The following ZFHX4 variants were observed in gnomAD, a reference collection of about 807,000 sequenced individuals.
ZFHX4 encodes the protein zinc finger homeobox 4, also known as zinc finger homeobox protein 4.
Under a neutral mutation model 267.6 loss-of-function variants are expected in ZFHX4, and 56 were observed. That is an observed-to-expected ratio of 0.21 (90% CI 0.17 to 0.26). The LOEUF (loss-of-function observed/expected upper bound fraction) is 0.26, where lower values mean the gene tolerates loss of function less well. ZFHX4 is among the 10% of genes least tolerant of loss of function. ZFHX4 has a pLI of 1.00. For synonymous variants in ZFHX4, 1,778 were observed against 1,665.6 expected, an observed-to-expected ratio of 1.07 and a Z score of -1.64; for missense variants, 4,332 against 4,420.0, an observed-to-expected ratio of 0.98 and a Z score of 0.56.
chr8:76,694,150 A>G (rs1045896491), intron 1 of ZFHX4, among the ~76,000 whole-genome samples: 1 of 152,326 alleles, frequency 6.6e-6, no homozygotes, highest in Admixed American at 6.5e-5. Flanking sequence ...TCTATCGTGT[A>G]CATAACAAGA....
intron 4 of ZFHX4, among the ~76,000 whole-genome samples, chr8:76,813,270 T>C (rs16939371): frequency 0.039 from 5,986 of 152,230 alleles, 188 homozygotes; most frequent in African/African-American, 0.084. Flanking sequence ...TAAACTTTTC[T>C]AAAGGCACCT....
rs538727308 is a variant in ZFHX4 at position 76,776,930 on chromosome 8, G to T, written c.3094-1278G>T. Among the ~76,000 whole-genome samples the T allele has an allele frequency of 3.9e-5, 6 of 152,090 alleles. 1 individual carries two copies. ...TTCAGATGCTAAAAGCCAGGGAGGT[G>T]GGGGAGGGAAGGTAGAAATCAACAT... On this transcript the variant is annotated intron_variant, in intron 3 of 10. Transcript: ENST00000651372.
intron 1 of ZFHX4, among the ~76,000 whole-genome samples, chr8:76,689,222 G>A (rs1585849375): frequency 6.6e-6 from 1 of 152,050 alleles, no homozygotes; most frequent in Non-Finnish European, 1.5e-5. Flanking sequence ...ATAAGAAAAT[G>A]TGTTAATTTA....
chr8:76,804,751 A>AG (rs397766535), intron 4 of ZFHX4, among the ~76,000 whole-genome samples: 5 of 72 alleles, frequency 0.069, no homozygotes, highest in African/African-American at 0.12. Flanking sequence ...TTATTTAACC[A>AG]TCCACTGGGA....
chr8:76,823,150 C>G (rs1268728922), intron 4 of ZFHX4, among the ~76,000 whole-genome samples: 1 of 137,452 alleles, frequency 7.3e-6, no homozygotes, highest in African/African-American at 2.7e-5. Context: ...TTTTTTTTAA[C>G]AGTGAGACAC....
chr8:76,852,654 G>A lies in ZFHX4; in HGVS notation c.5733G>A (p.Ala1911=), dbSNP rs377346853. 170 of 1,613,624 alleles carry A rather than the reference G, an allele frequency of 1.1e-4. No homozygotes were observed. The highest frequency in any genetic ancestry group is 1.3e-4 in the Non-Finnish European group (154 of 1,179,698). Residue 1911 remains alanine (A), a synonymous_variant, in exon 10 of 11, where the codon GCG becomes GCA. Coordinates refer to ENST00000651372, the MANE Select transcript of ZFHX4 (RefSeq NM_024721.5). ...GGGCCAGAGGAAATGCTGCCAAAGC[G>A]TTATTGGAAAACTTTGGTTTTGAAC... is the stretch of plus-strand genomic sequence containing the variant. ...ASGARGNAAK[A]LLENFGFELV... is the part of the protein sequence containing the mutation.
At chr8:76,846,354 T>C (rs1253557616) in intron 6 of ZFHX4, among the ~76,000 whole-genome samples, 1 of 152,088 alleles carries the variant, frequency 6.6e-6, no homozygotes, top group Admixed American at 6.6e-5. Context: ...TTAGATGTTC[T>C]AGCTTTTATT....
chr8:76,705,279 G>GA lies in ZFHX4; in HGVS notation c.1192dup (p.Ile398AsnfsTer8). Reference sequence around the variant, plus strand: ...CGAGCTCAGCAGAGCAGCCGCTGGGGATTACCCAAATGCCAAAGGCTGAAG... The same window carrying GA: ...CGAGCTCAGCAGAGCAGCCGCTGGGGAATTACCCAAATGCCAAAGGCTGAAG... On this transcript the variant is annotated frameshift_variant, in exon 2 of 11. Coordinates refer to ENST00000651372, the MANE Select transcript of ZFHX4 (RefSeq NM_024721.5). LOFTEE classifies it high-confidence loss of function. The GA allele has an allele frequency of 6.2e-7, 1 of 1,614,002 alleles. No homozygotes were observed. The highest frequency in any genetic ancestry group is 8.5e-7 in the Non-Finnish European group (1 of 1,179,898).
chr8:76,809,590 A>C (rs7817396), intron 4 of ZFHX4, among the ~76,000 whole-genome samples: 2,922 of 152,252 alleles, frequency 0.019, 102 homozygotes, highest in African/African-American at 0.067. Context: ...TAGTCTAAAA[A>C]CTGTAGAACC....
At chr8:76,823,127 C>A (rs1811697544) in intron 4 of ZFHX4, among the ~76,000 whole-genome samples, 1 of 145,984 alleles carries the variant, frequency 6.9e-6, no homozygotes, top group Non-Finnish European at 1.5e-5. Flanking sequence ...GCTATAGTGT[C>A]TCCTTTTTTT....
At chr8:76,738,399 A>G (rs924737354) in intron 3 of ZFHX4, among the ~76,000 whole-genome samples, 1 of 152,184 alleles carries the variant, frequency 6.6e-6, no homozygotes, top group African/African-American at 2.4e-5. Context: ...CTGATCATGT[A>G]GCAAGTTCAG....
chr8:76,819,930 TA>T (rs1456087548), intron 4 of ZFHX4, among the ~76,000 whole-genome samples: 15 of 152,192 alleles, frequency 9.9e-5, no homozygotes, highest in African/African-American at 3.4e-4. Context: ...TTTAGGGTGA[TA>T]CAACATCTGC....
At chr8:76,849,909 A>G in intron 8 of ZFHX4, 197 bp downstream of exon 8, 2 of 617,090 alleles carry the variant, frequency 3.2e-6, no homozygotes, top group African/African-American at 1.8e-5. Context: ...TACAAGGCAT[A>G]GCTTAGTAAA....
Position 76,854,322 on chromosome 8 carries a change from A to G in ZFHX4, c.7401A>G (p.Gln2467=). 7 of 1,613,610 alleles carry G rather than the reference A, an allele frequency of 4.3e-6. No individual in the cohort carries two copies. Among genetic ancestry groups the G allele is most frequent in the Non-Finnish European group, 5.9e-6 (7 of 1,179,742 alleles). The change falls in exon 10 of 11, where the codon CAA becomes CAG. Residue 2467 remains glutamine (Q), a synonymous_variant. Coordinates refer to ENST00000651372, the MANE Select transcript of ZFHX4 (RefSeq NM_024721.5). ...QLIGRPPSAS[Q]TPVPSSPLQI... ...TCGGAAGACCTCCCTCGGCCTCTCA[A>G]ACACCGGTCCCTTCCAGTCCACTGC...
intron 6 of ZFHX4, 114 bp downstream of exon 6, chr8:76,842,885 T>A: frequency 1.4e-6 from 1 of 702,664 alleles, no homozygotes; most frequent in Non-Finnish European, 2.3e-6. Flanking sequence ...TTATTCATTT[T>A]AAACTGTCTG....
intron 3 of ZFHX4, among the ~76,000 whole-genome samples, chr8:76,732,455 AT>A (rs1809046955): frequency 1.3e-5 from 2 of 151,900 alleles, no homozygotes; most frequent in African/African-American, 4.8e-5. Flanking sequence ...CTAAAAATTA[AT>A]AACAGCTACA....
intron 4 of ZFHX4, among the ~76,000 whole-genome samples, chr8:76,805,883 C>A (rs1811232607): frequency 6.6e-6 from 1 of 151,950 alleles, no homozygotes; most frequent in Admixed American, 6.6e-5. Flanking sequence ...AATAAACTAG[C>A]CATGCTGTGA....
intron 5 of ZFHX4, among the ~76,000 whole-genome samples, chr8:76,839,921 CTA>C (rs1043942492): frequency 2.6e-5 from 4 of 152,162 alleles, no homozygotes; most frequent in African/African-American, 9.7e-5. Flanking sequence ...ACTCTTGACT[CTA>C]AAGTCTATTT....
At position 76,864,249 on chromosome 8, in the gene ZFHX4, A is replaced by G; in HGVS notation, c.10535A>G (p.Asn3512Ser). 6.2e-7 allele frequency: 1 copy of G among 1,613,916 alleles called. No individual in the cohort carries two copies. Among genetic ancestry groups the G allele is most frequent in the Non-Finnish European group, 8.5e-7 (1 of 1,179,838 alleles). ...TSTSQSAASSNNTYPHLSCFS... is the reference protein window; with the variant it reads ...TSTSQSAASSSNTYPHLSCFS... ...ACCTCGCAGTCTGCAGCTTCTTCTA[A>G]TAACACCTATCCTCATCTTTCTTGC... The change falls in exon 11 of 11, where the codon AAT becomes AGT. Residue 3512 changes from asparagine (N) to serine (S), a missense_variant. Coordinates refer to ENST00000651372, the MANE Select transcript of ZFHX4 (RefSeq NM_024721.5).
Sources: allele counts gnomAD v4.1 joint callset (sites outside exome capture counted in the v4.1 genomes callset), GRCh38; gene constraint gnomAD v4.1.1; transcripts MANE v1.5; gene names NCBI Gene and HGNC (gene_info 2026-07-23, HGNC 2026-07-21).